SLC30A6: variants seen among roughly 807,000 people sequenced by gnomAD.
SLC30A6 encodes the protein zinc transporter 6.
Under a neutral mutation model 63.0 loss-of-function variants are expected in SLC30A6, and 55 were observed. The ratio of observed to expected loss-of-function variants is 0.87; its 90% confidence interval spans 0.70 to 1.09. The LOEUF (loss-of-function observed/expected upper bound fraction) is 1.09, where lower values mean the gene tolerates loss of function less well. Ranked by LOEUF, SLC30A6 falls within the 50% of genes least tolerant of loss-of-function variation. The pLI is 0.00. For missense variants in SLC30A6, 587 were observed against 549.2 expected (o/e 1.07, Z -0.69); for synonymous variants, 224 against 186.1 (o/e 1.20, Z -1.66).
At chr2:32,206,278 C>G (rs1050475402) in intron 11 of SLC30A6, among the ~76,000 whole-genome samples, 1 of 151,888 alleles carries the variant, frequency 6.6e-6, no homozygotes, top group Non-Finnish European at 1.5e-5. Flanking sequence ...AACCCCATCT[C>G]TACTAAAAAT....
chr2:32,214,498 C>T (rs1054409383), intron 13 of SLC30A6: 3 of 152,050 alleles, frequency 2.0e-5, no homozygotes, highest in African/African-American at 7.2e-5. Context: ...CATCTTTGCA[C>T]AGAGGCCATA....
At chr2:32,202,544 G>T in intron 10 of SLC30A6, 2 of 340,460 alleles carry the variant, frequency 5.9e-6, no homozygotes, top group Non-Finnish European at 1.1e-5. Context: ...TGTTAGCCAG[G>T]ATGGTCTCAA....
chr2:32,166,023 G>T (rs1680611906), intron 1 of SLC30A6, 120 bp downstream of exon 1: 2 of 1,445,578 alleles, frequency 1.4e-6, no homozygotes, highest in Admixed American at 3.4e-5. Context: ...AGTTGAAGTC[G>T]GGCCCCTTGG....
chr2:32,166,981 CCTT>C (rs1359492588), intron 1 of SLC30A6, among the ~76,000 whole-genome samples: 3 of 151,842 alleles, frequency 2.0e-5, no homozygotes, highest in Admixed American at 6.6e-5. Context: ...CAAATTTTCT[CCTT>C]TTTTTTTTTT....
At chr2:32,169,927 T>C (rs1321452870) in intron 1 of SLC30A6, among the ~76,000 whole-genome samples, 1 of 152,260 alleles carries the variant, frequency 6.6e-6, no homozygotes, top group Non-Finnish European at 1.5e-5. Flanking sequence ...TATAAATGTG[T>C]AACTTTTAAA....
At chr2:32,168,733 G>A (rs1680907518) in intron 1 of SLC30A6, among the ~76,000 whole-genome samples, 3 of 152,128 alleles carry the variant, frequency 2.0e-5, no homozygotes, top group African/African-American at 4.8e-5. Context: ...ACGCAAGAGT[G>A]GTCATGAGAC....
At chr2:32,181,593 G>T (rs948734600) in intron 4 of SLC30A6, among the ~76,000 whole-genome samples, 4 of 152,116 alleles carry the variant, frequency 2.6e-5, no homozygotes, top group Non-Finnish European at 1.5e-5. Context: ...TTGGCCGGGC[G>T]AGGTGGCTCA....
intron 7 of SLC30A6, among the ~76,000 whole-genome samples, 159 bp from the exon 8 acceptor site, chr2:32,193,730 T>C (rs1683539944): frequency 1.3e-5 from 2 of 152,220 alleles, no homozygotes; most frequent in South Asian, 4.1e-4. Context: ...ACATGGGTGA[T>C]GGGGCTAGTA....
At chr2:32,198,345 T>C (rs1683979097) in intron 10 of SLC30A6, among the ~76,000 whole-genome samples, 1 of 152,210 alleles carries the variant, frequency 6.6e-6, no homozygotes, top group African/African-American at 2.4e-5. Flanking sequence ...TATTTGTTTT[T>C]GTTTGCTACT....
At chr2:32,218,484 C>T (rs1209413241) in intron 13 of SLC30A6, among the ~76,000 whole-genome samples, 1 of 150,910 alleles carries the variant, frequency 6.6e-6, no homozygotes, top group African/African-American at 2.5e-5. Context: ...CTGTCCCTCT[C>T]TGATCCCACT....
chr2:32,176,216 T>C (rs1471485219), intron 4 of SLC30A6, among the ~76,000 whole-genome samples: 2 of 152,136 alleles, frequency 1.3e-5, no homozygotes, highest in Non-Finnish European at 2.9e-5. Context: ...TTATGAAAAG[T>C]TGCTTATCTT....
intron 1 of SLC30A6, among the ~76,000 whole-genome samples, chr2:32,167,041 A>G (rs1223527327): frequency 7.3e-5 from 11 of 151,092 alleles, no homozygotes; most frequent in Non-Finnish European, 1.5e-4. Context: ...ATACAAAGCC[A>G]CTCATTATCA....
chr2:32,197,469 A>G (rs1683897099), intron 9 of SLC30A6, 77 bp downstream of exon 9: 2 of 1,427,110 alleles, frequency 1.4e-6, no homozygotes, highest in Non-Finnish European at 2.0e-6. Context: ...GGGAACTTAA[A>G]TTATTCGTTG....
intron 10 of SLC30A6, among the ~76,000 whole-genome samples, chr2:32,200,227 C>T (rs1255547736): frequency 2.0e-5 from 3 of 151,946 alleles, no homozygotes; most frequent in Non-Finnish European, 4.4e-5. Context: ...TTAGAATAGC[C>T]TCTGGTCTTC....
chr2:32,207,328 G>T (rs562070837), intron 12 of SLC30A6, among the ~76,000 whole-genome samples: 1 of 150,746 alleles, frequency 6.6e-6, no homozygotes. Context: ...CTCCTTCCTC[G>T]GCCTCCTGAG....
At chr2:32,167,582 G>A (rs911803676) in intron 1 of SLC30A6, among the ~76,000 whole-genome samples, 6 of 151,862 alleles carry the variant, frequency 4.0e-5, no homozygotes, top group Non-Finnish European at 5.9e-5. Flanking sequence ...TATTTTTCAT[G>A]AACCTTTCCC....
chr2:32,177,148 A>T (rs769745130), intron 4 of SLC30A6, among the ~76,000 whole-genome samples: 12 of 152,056 alleles, frequency 7.9e-5, no homozygotes, highest in Non-Finnish European at 1.3e-4. Context: ...TCTCCCACTC[A>T]TTCCATTCTC....
At chr2:32,205,659 CTTCTTTTTTTTT>C (rs1049291711) in intron 11 of SLC30A6, among the ~76,000 whole-genome samples, 32 of 97,732 alleles carry the variant, frequency 3.3e-4, no homozygotes, top group African/African-American at 1.3e-3. Flanking sequence ...AAGAATGTTA[CTTCTTTTTTTTT>C]TTTTTTTTTT....
intron 13 of SLC30A6, among the ~76,000 whole-genome samples, chr2:32,211,148 G>A (rs116037274): frequency 1.1e-3 from 169 of 152,294 alleles, no homozygotes; most frequent in Non-Finnish European, 2.1e-3. Flanking sequence ...GGTTCTCAGG[G>A]TCGCTTGCTC....
Sources: allele counts gnomAD v4.1 joint callset (sites outside exome capture counted in the v4.1 genomes callset), GRCh38; gene constraint gnomAD v4.1.1; transcripts MANE v1.5; gene names NCBI Gene and HGNC (gene_info 2026-07-23, HGNC 2026-07-21).